The following MVB12B variants were observed in gnomAD, a reference collection of about 807,000 sequenced individuals.
MVB12B encodes multivesicular body subunit 12B, also known as ESCRT-I complex subunit MVB12B.
In MVB12B, 16 loss-of-function variants were observed where a neutral mutation model predicts 41.6. The ratio of observed to expected loss-of-function variants is 0.38; its 90% CI spans 0.26 to 0.58. The LOEUF (loss-of-function observed/expected upper bound fraction) is 0.58, where lower values mean the gene tolerates loss of function less well. Ranked by LOEUF, MVB12B falls within the 20% of genes least tolerant of loss-of-function variation. MVB12B has a pLI of 0.62. For missense variants in MVB12B, 274 were observed against 380.2 expected (o/e 0.72, Z 2.32); for synonymous variants, 133 against 139.7 (o/e 0.95, Z 0.34).
chr9:126,438,652 G>A (rs1263173100), intron 7 of MVB12B, among the ~76,000 whole-genome samples: 3 of 152,218 alleles, frequency 2.0e-5, no homozygotes, highest in Non-Finnish European at 4.4e-5. Flanking sequence ...CTGTCACCTT[G>A]ATGCAGGAGT....
chr9:126,399,923 C>T (rs1248419602), intron 6 of MVB12B, among the ~76,000 whole-genome samples: 3 of 152,280 alleles, frequency 2.0e-5, no homozygotes, highest in East Asian at 3.9e-4. Context: ...AGGCGATGGG[C>T]GCAGGCGGAG....
chr9:126,479,751 A>G (rs1266248360), intron 7 of MVB12B, among the ~76,000 whole-genome samples: 2 of 152,244 alleles, frequency 1.3e-5, no homozygotes, highest in African/African-American at 2.4e-5. Flanking sequence ...CGGGGAATGC[A>G]GCGACTGCCG....
chr9:126,451,631 T>C (rs1832890569), intron 7 of MVB12B, among the ~76,000 whole-genome samples: 1 of 151,708 alleles, frequency 6.6e-6, no homozygotes, highest in South Asian at 2.1e-4. Flanking sequence ...GCCAAAAAGC[T>C]GGACAGAGGG....
At chr9:126,355,654 T>C (rs1829861716) in intron 2 of MVB12B, among the ~76,000 whole-genome samples, 1 of 152,220 alleles carries the variant, frequency 6.6e-6, no homozygotes, top group South Asian at 2.1e-4. Context: ...AGAGGGATTT[T>C]CCAGAATGTT....
chr9:126,463,395 T>C (rs1034374245), intron 7 of MVB12B, among the ~76,000 whole-genome samples: 1 of 152,190 alleles, frequency 6.6e-6, no homozygotes, highest in African/African-American at 2.4e-5. Context: ...CTGCTTGCTA[T>C]AAAATGAGAG....
intron 9 of MVB12B, among the ~76,000 whole-genome samples, chr9:126,492,118 G>GCA (rs35494875): frequency 0.26 from 37,788 of 143,176 alleles, 5,757 homozygotes; most frequent in Non-Finnish European, 0.36. Context: ...TGCGGCACGT[G>GCA]CACACACACA....
chr9:126,425,128 C>A (rs1564324380), intron 7 of MVB12B, among the ~76,000 whole-genome samples: 1 of 152,106 alleles, frequency 6.6e-6, no homozygotes, highest in Non-Finnish European at 1.5e-5. Context: ...ACATTCTAAG[C>A]TGGGAGTGGT....
At position 126,468,308 on chromosome 9, in the gene MVB12B, C is replaced by T. The variant is rs1010561008; in HGVS notation, c.758-13061C>T. ...GGATCTCCACCCGGCAGCCCTCACA[C>T]ACCCATCTCACATTCTCGGTCATAA... On this transcript the variant is annotated intron_variant, in intron 7 of 9. Transcript: ENST00000361171. This position sits in a 1 kb window ranked among gnomAD's most constrained non-coding sequence, Gnocchi z 4.3. 5.3e-5 allele frequency among the ~76,000 whole-genome samples: 8 copies of T among 152,348 alleles called. No homozygotes were observed. The East Asian group carries it at 1.5e-3, about 29-fold the overall frequency.
rs1389681125 is a variant in MVB12B at position 126,389,297 on chromosome 9, G to C, written c.409+2639G>C. 6.6e-6 allele frequency among the ~76,000 whole-genome samples: 1 copy of C among 152,148 alleles called. No individual in the cohort carries two copies. Among genetic ancestry groups the C allele is most frequent in the African/African-American group, 2.4e-5 (1 of 41,426 alleles). On this transcript the variant is annotated intron_variant, in intron 4 of 9. Coordinates refer to ENST00000361171, the MANE Select transcript of MVB12B (RefSeq NM_033446.3). The surrounding 1 kb of genome is among the most constrained non-coding windows in gnomAD (Gnocchi z 4.4). Reference sequence around the variant, plus strand: ...CCCAAGCTGGCCACATAAGCCTTATGATCAGCTCTGTATCATCTGAGAGTA... The same window carrying C: ...CCCAAGCTGGCCACATAAGCCTTATCATCAGCTCTGTATCATCTGAGAGTA...
chr9:126,330,304 T>TAC (rs142849542), intron 1 of MVB12B, among the ~76,000 whole-genome samples: 118,588 of 148,176 alleles, frequency 0.8, 47,567 homozygotes, highest in East Asian at 0.9. Flanking sequence ...TTTCTTTCTT[T>TAC]ACACACACAC....
At chr9:126,385,733 G>A (rs1179188505) in intron 3 of MVB12B, among the ~76,000 whole-genome samples, 2 of 152,182 alleles carry the variant, frequency 1.3e-5, no homozygotes, top group Non-Finnish European at 2.9e-5. Flanking sequence ...GAGAGAGGGG[G>A]AACCAAGCTG....
intron 2 of MVB12B, among the ~76,000 whole-genome samples, chr9:126,360,316 C>T (rs1276545094): frequency 6.6e-6 from 1 of 152,114 alleles, no homozygotes; most frequent in East Asian, 1.9e-4. Context: ...GCAAACTTTT[C>T]TGTAGAGGGC....
chr9:126,452,887 C>G (rs1216007282), intron 7 of MVB12B, among the ~76,000 whole-genome samples: 1 of 152,082 alleles, frequency 6.6e-6, no homozygotes, highest in Non-Finnish European at 1.5e-5. Context: ...CCAGCCATTT[C>G]TGCAAATTGC....
At chr9:126,401,092 ACT>A (rs988708629) in intron 6 of MVB12B, among the ~76,000 whole-genome samples, 3 of 150,896 alleles carry the variant, frequency 2.0e-5, no homozygotes, top group Non-Finnish European at 4.4e-5. Context: ...TGCTGCCCAA[ACT>A]CTCCTCCCCA....
chr9:126,481,632 G>A (rs1056132045), intron 8 of MVB12B, among the ~76,000 whole-genome samples: 9 of 152,332 alleles, frequency 5.9e-5, no homozygotes, highest in South Asian at 4.1e-4. Flanking sequence ...GGGGTGGGTC[G>A]TGTGCATCTC....
At chr9:126,467,385 G>A (rs865913434) in intron 7 of MVB12B, among the ~76,000 whole-genome samples, 1 of 152,236 alleles carries the variant, frequency 6.6e-6, no homozygotes. Flanking sequence ...GTGTGACCCA[G>A]TACTGGTGAA....
chr9:126,446,662 T>A (rs1192735445), intron 7 of MVB12B, among the ~76,000 whole-genome samples: 3 of 151,946 alleles, frequency 2.0e-5, no homozygotes, highest in African/African-American at 7.2e-5. Flanking sequence ...TCATGTGTAT[T>A]TTTTTAAAGA....
At chr9:126,405,191 G>C (rs567576253) in intron 6 of MVB12B, among the ~76,000 whole-genome samples, 16 of 151,848 alleles carry the variant, frequency 1.1e-4, no homozygotes, top group Non-Finnish European at 2.1e-4. Flanking sequence ...TTGTAATTTT[G>C]GTGAATTTCT....
intron 2 of MVB12B, among the ~76,000 whole-genome samples, chr9:126,345,223 C>T (rs1366371248): frequency 6.6e-6 from 1 of 152,230 alleles, no homozygotes; most frequent in Non-Finnish European, 1.5e-5. Context: ...TTGCCTACCT[C>T]AGAAAAGCAT....
Sources: gnomAD v4.1 joint callset for allele counts (sites outside exome capture counted in the v4.1 genomes callset) on GRCh38, gnomAD v4.1.1 for gene constraint, Gnocchi (gnomAD v3.1) non-coding constraint, MANE v1.5 for transcripts, NCBI Gene and HGNC (gene_info 2026-07-23, HGNC 2026-07-21) for gene names.